AKAP13: variants seen among roughly 807,000 people sequenced by gnomAD.
AKAP13 encodes the protein A-kinase anchoring protein 13, also known as A-kinase anchor protein 13.
Under a neutral mutation model 264.5 loss-of-function variants are expected in AKAP13, and 80 were observed. That is an observed-to-expected ratio of 0.30 (90% CI 0.25 to 0.36). The LOEUF (loss-of-function observed/expected upper bound fraction) is 0.36, where lower values mean the gene tolerates loss of function less well. Among genes scored for constraint, AKAP13 ranks in the 10% least tolerant of loss-of-function variants. The probability of loss-of-function intolerance (pLI) is 1.00; values close to 1 mark genes in which losing one functional copy is unlikely to be tolerated. For synonymous variants in AKAP13, 1,380 were observed against 1,250.2 expected (o/e 1.10, Z -2.19); for missense variants, 3,712 against 3,435.2 (o/e 1.08, Z -2.01).
intron 13 of AKAP13, among the ~76,000 whole-genome samples, chr15:85,668,125 C>G (rs1171950218): frequency 6.6e-6 from 1 of 152,198 alleles, no homozygotes; most frequent in Non-Finnish European, 1.5e-5. Context: ...TTAAAAGTCT[C>G]TGCCTTTCAC....
chr15:85,573,719 G>T (rs1339548914), intron 5 of AKAP13, among the ~76,000 whole-genome samples: 1 of 152,116 alleles, frequency 6.6e-6, no homozygotes, highest in Non-Finnish European at 1.5e-5. Flanking sequence ...TCAGAATGCT[G>T]TTTGAGGAGT....
At chr15:85,453,198 TAG>T (rs1343275911) in intron 1 of AKAP13, among the ~76,000 whole-genome samples, 4 of 152,262 alleles carry the variant, frequency 2.6e-5, no homozygotes, top group Non-Finnish European at 4.4e-5. Flanking sequence ...AGTTCCACAG[TAG>T]AGTCAGTGGC....
chr15:85,638,277 T>C (rs142325242), intron 8 of AKAP13, among the ~76,000 whole-genome samples: 1 of 152,344 alleles, frequency 6.6e-6, no homozygotes, highest in African/African-American at 2.4e-5. Flanking sequence ...TCACAGAGCA[T>C]ACTTTTTATT....
At chr15:85,398,885 T>TAAGTTTATCTTCAGTTCATTTC (rs1417599202) in intron 1 of AKAP13, among the ~76,000 whole-genome samples, 2 of 152,228 alleles carry the variant, frequency 1.3e-5, no homozygotes, top group African/African-American at 4.8e-5. Context: ...TGTATGAACT[T>TAAGTTTATCTTCAGTTCATTTC]AAGTTTATCT....
chr15:85,732,890 T>C (rs944108533), intron 30 of AKAP13, among the ~76,000 whole-genome samples: 10 of 152,118 alleles, frequency 6.6e-5, no homozygotes, highest in African/African-American at 2.2e-4. Context: ...TAATAATATA[T>C]TCTAATAGTA....
chr15:85,546,181 ATG>A (rs1282815167), intron 5 of AKAP13, among the ~76,000 whole-genome samples: 2 of 152,218 alleles, frequency 1.3e-5, no homozygotes, highest in Non-Finnish European at 2.9e-5. Context: ...CTAAAAAAGA[ATG>A]TATTTCTCAC....
chr15:85,693,236 A>G lies in AKAP13; in HGVS notation c.5290-41A>G. ...TGCCCAGGTAAGGAGAAAGCCCTCCAGTGTTCAATTAACTGTGGATTATTT... is the reference window on the plus strand; with the variant it reads ...TGCCCAGGTAAGGAGAAAGCCCTCCGGTGTTCAATTAACTGTGGATTATTT... On this transcript the variant is annotated intron_variant, in intron 16 of 36. Transcript: ENST00000394518. The G allele has an allele frequency of 3.2e-6, 5 of 1,540,290 alleles. No homozygotes were observed. The Admixed American group carries it at 6.6e-5, about 20-fold the overall frequency.
At chr15:85,442,465 A>G (rs1464748615) in intron 1 of AKAP13, among the ~76,000 whole-genome samples, 2 of 99,786 alleles carry the variant, frequency 2.0e-5, no homozygotes, top group Non-Finnish European at 4.8e-5. Flanking sequence ...TATAATATAC[A>G]TAATATATAT....
intron 8 of AKAP13, among the ~76,000 whole-genome samples, chr15:85,628,099 G>A (rs2081517244): frequency 6.6e-6 from 1 of 152,148 alleles, no homozygotes; most frequent in South Asian, 2.1e-4. Flanking sequence ...ATAGGCCATG[G>A]TTTGTGGAGC....
At chr15:85,569,775 A>AG (rs1301559775) in intron 5 of AKAP13, among the ~76,000 whole-genome samples, 1 of 152,120 alleles carries the variant, frequency 6.6e-6, no homozygotes, top group African/African-American at 2.4e-5. Context: ...CAGGGTTGAC[A>AG]GGGATAAAGA....
intron 33 of AKAP13, 83 bp downstream of exon 33, chr15:85,736,217 TTTC>T: frequency 1.6e-6 from 2 of 1,259,060 alleles, no homozygotes; most frequent in Non-Finnish European, 2.3e-6. Context: ...CTTTTTTTTT[TTTC>T]TTTTTGCTGT....
At chr15:85,655,392 C>G (rs2083053143) in intron 10 of AKAP13, 25 bp from the exon 11 acceptor site, 1 of 1,602,404 alleles carries the variant, frequency 6.2e-7, no homozygotes, top group Non-Finnish European at 8.5e-7. Context: ...TGGCTTCAAC[C>G]ATATGTGCTT....
At chr15:85,490,964 A>G (rs34438394) in intron 2 of AKAP13, among the ~76,000 whole-genome samples, 37,369 of 152,124 alleles carry the variant, frequency 0.25, 6,056 homozygotes, top group Middle Eastern at 0.41. Flanking sequence ...TGAGACCTGA[A>G]GGAGCCAGCA....
At chr15:85,649,618 A>C (rs1274027233) in intron 10 of AKAP13, among the ~76,000 whole-genome samples, 1 of 152,170 alleles carries the variant, frequency 6.6e-6, no homozygotes, top group African/African-American at 2.4e-5. Context: ...ACAGCCCGTA[A>C]CGTTTGTCGT....
chr15:85,437,331 G>A (rs1323954154), intron 1 of AKAP13, among the ~76,000 whole-genome samples: 5 of 152,138 alleles, frequency 3.3e-5, no homozygotes, highest in Admixed American at 2.6e-4. Context: ...ATAATCAATA[G>A]TTTACCAACC....
chr15:85,603,415 T>C (rs1430380535), intron 8 of AKAP13, among the ~76,000 whole-genome samples: 2 of 152,248 alleles, frequency 1.3e-5, no homozygotes, highest in African/African-American at 4.8e-5. Context: ...AAGTAACATC[T>C]TACCATTACT....
chr15:85,396,275 T>A (rs1169696739), intron 1 of AKAP13, among the ~76,000 whole-genome samples: 1 of 152,224 alleles, frequency 6.6e-6, no homozygotes, highest in Non-Finnish European at 1.5e-5. Context: ...TGGTTGTGCT[T>A]GGTCCACGTA....
chr15:85,685,700 T>G (rs1304022972), intron 16 of AKAP13, among the ~76,000 whole-genome samples: 2 of 152,180 alleles, frequency 1.3e-5, no homozygotes, highest in Non-Finnish European at 2.9e-5. Context: ...TGCTGTTGTG[T>G]CTAGGCCGGT....
intron 1 of AKAP13, among the ~76,000 whole-genome samples, chr15:85,387,673 G>T (rs67659163): frequency 5.3e-5 from 8 of 151,770 alleles, no homozygotes; most frequent in Non-Finnish European, 7.4e-5. Context: ...ATCAGTTAGG[G>T]GGCAATTGAC....
Sources: gnomAD v4.1 joint callset for allele counts (sites outside exome capture counted in the v4.1 genomes callset) on GRCh38, gnomAD v4.1.1 for gene constraint, MANE v1.5 for transcripts, NCBI Gene and HGNC (gene_info 2026-07-23, HGNC 2026-07-21) for gene names.